CRPPA: variants seen among roughly 807,000 people sequenced by gnomAD.
CRPPA encodes the protein CDP-L-ribitol pyrophosphorylase A, also known as D-ribitol-5-phosphate cytidylyltransferase.
A neutral mutation model predicts 52.0 loss-of-function variants in CRPPA; 43 were observed. That is an observed-to-expected ratio of 0.83 (90% CI 0.65 to 1.07). The LOEUF (loss-of-function observed/expected upper bound fraction) is 1.07, where lower values mean the gene tolerates loss of function less well. CRPPA is among the 50% of genes least tolerant of loss of function. The pLI is 0.00. For synonymous variants in CRPPA, 250 were observed against 203.5 expected (o/e 1.23, Z -1.94); for missense variants, 629 against 551.7 (o/e 1.14, Z -1.40).
intron 8 of CRPPA, chr7:16,216,581 C>T (rs959111294): frequency 9.4e-5 from 18 of 191,966 alleles, no homozygotes; most frequent in East Asian, 1.6e-4. Flanking sequence ...TCAGTGGGTG[C>T]GCGCACCGTG....
intron 9 of CRPPA, among the ~76,000 whole-genome samples, chr7:16,137,946 G>A (rs1782792683): frequency 6.6e-6 from 1 of 152,008 alleles, no homozygotes; most frequent in African/African-American, 2.4e-5. Flanking sequence ...CATTAAACTA[G>A]TAATGCTTCA....
At position 16,151,381 on chromosome 7, in the gene CRPPA, A is replaced by G. The variant is rs1432526998; in HGVS notation, c.1252-59582T>C. 1.3e-5 allele frequency among the ~76,000 whole-genome samples: 2 copies of G among 152,162 alleles called. 1 individual carries two copies. Among genetic ancestry groups the G allele is most frequent in the Admixed American group, 1.3e-4 (2 of 15,272 alleles). Reference sequence around the variant, plus strand: ...TTGACCTCAGGCTCAAAATTGAGATAATTATATAAAGGAAATGTAGGTTGT... The same window carrying G: ...TTGACCTCAGGCTCAAAATTGAGATGATTATATAAAGGAAATGTAGGTTGT... On this transcript the variant is annotated intron_variant, in intron 9 of 9. Coordinates refer to ENST00000407010, the MANE Select transcript of CRPPA (RefSeq NM_001101426.4).
chr7:16,302,253 G>A (rs543728779), intron 4 of CRPPA, among the ~76,000 whole-genome samples: 73 of 121,452 alleles, frequency 6.0e-4, no homozygotes, highest in African/African-American at 2.3e-3. Flanking sequence ...CCGAGATTGC[G>A]CCACTGCACT....
intron 9 of CRPPA, among the ~76,000 whole-genome samples, chr7:16,120,516 T>G: frequency 6.6e-6 from 1 of 152,176 alleles, no homozygotes; most frequent in Middle Eastern, 3.2e-3. Flanking sequence ...GCTTTTAGAA[T>G]CAAATTTATG....
intron 3 of CRPPA, among the ~76,000 whole-genome samples, chr7:16,317,609 A>G (rs1379384239): frequency 6.6e-6 from 1 of 152,140 alleles, no homozygotes; most frequent in African/African-American, 2.4e-5. Flanking sequence ...TGGCTAAGTA[A>G]CATTCCAGTG....
intron 3 of CRPPA, among the ~76,000 whole-genome samples, chr7:16,348,326 G>C (rs559629843): frequency 6.6e-6 from 1 of 152,174 alleles, no homozygotes; most frequent in East Asian, 1.9e-4. Context: ...AGTCTCTCTA[G>C]ACTACAGAAA....
At chr7:16,254,792 GGAAAGAAAGAAA>G (rs56908194) in intron 8 of CRPPA, among the ~76,000 whole-genome samples, 3,163 of 101,692 alleles carry the variant, frequency 0.031, 44 homozygotes, top group Middle Eastern at 0.047. Context: ...AAAGAAAGAA[GGAAAGAAAGAAA>G]GAAAGAAAGA....
intron 9 of CRPPA, among the ~76,000 whole-genome samples, chr7:16,210,324 G>T (rs896306879): frequency 6.6e-6 from 1 of 152,144 alleles, no homozygotes; most frequent in East Asian, 1.9e-4. Flanking sequence ...ATTTGATATG[G>T]TTCCCAATGA....
chr7:16,131,194 G>C (rs1055841467), intron 9 of CRPPA, among the ~76,000 whole-genome samples: 4 of 152,208 alleles, frequency 2.6e-5, no homozygotes, highest in African/African-American at 9.6e-5. Context: ...AAGAGACTTT[G>C]AAACTGGATA....
At chr7:16,195,978 T>C (rs373630626) in intron 9 of CRPPA, among the ~76,000 whole-genome samples, 3 of 152,200 alleles carry the variant, frequency 2.0e-5, no homozygotes, top group East Asian at 3.9e-4. Flanking sequence ...CATAAAATAA[T>C]CTGGAGATTA....
intron 2 of CRPPA, among the ~76,000 whole-genome samples, chr7:16,392,368 G>C (rs1787467724): frequency 6.6e-6 from 1 of 152,134 alleles, no homozygotes; most frequent in South Asian, 2.1e-4. Flanking sequence ...CATCTCAGTA[G>C]AGCGCATGGG....
chr7:16,378,315 G>A (rs1262362988), intron 2 of CRPPA, among the ~76,000 whole-genome samples: 2 of 127,688 alleles, frequency 1.6e-5, no homozygotes, highest in Non-Finnish European at 3.1e-5. Flanking sequence ...CTGTGTCCAT[G>A]TGTTCCCATT....
At chr7:16,175,767 C>CA (rs1026726287) in intron 9 of CRPPA, among the ~76,000 whole-genome samples, 37 of 152,060 alleles carry the variant, frequency 2.4e-4, no homozygotes, top group African/African-American at 8.7e-4. Flanking sequence ...TTTAATTTTA[C>CA]AAATGAAGCA....
intron 9 of CRPPA, among the ~76,000 whole-genome samples, chr7:16,207,600 C>G (rs989500371): frequency 3.3e-5 from 5 of 152,210 alleles, no homozygotes; most frequent in Admixed American, 6.5e-5. Flanking sequence ...CTGCTGCAAG[C>G]AGGATACACA....
intron 8 of CRPPA, among the ~76,000 whole-genome samples, chr7:16,254,555 AG>A (rs1458602099): frequency 6.6e-6 from 1 of 151,298 alleles, no homozygotes; most frequent in Non-Finnish European, 1.5e-5. Context: ...ACTTGGACAC[AG>A]GGTGGGGAAC....
chr7:16,181,015 CTGTAATTTTAGGTACAA>C (rs1479902977), intron 9 of CRPPA, among the ~76,000 whole-genome samples: 1 of 151,842 alleles, frequency 6.6e-6, no homozygotes, highest in African/African-American at 2.4e-5. Flanking sequence ...AAAAGCTACA[CTGTAATTTTAGGTACAA>C]TGTTTGTAAA....
At chr7:16,147,234 T>C (rs1029834905) in intron 9 of CRPPA, among the ~76,000 whole-genome samples, 3 of 152,180 alleles carry the variant, frequency 2.0e-5, no homozygotes, top group Non-Finnish European at 2.9e-5. Flanking sequence ...GTCTTGGGTA[T>C]ATCTTTATTA....
chr7:16,251,899 G>C (rs1464457618), intron 8 of CRPPA, among the ~76,000 whole-genome samples: 3 of 152,116 alleles, frequency 2.0e-5, no homozygotes, highest in Admixed American at 6.5e-5. Context: ...GAAGGAGATA[G>C]AGACACAGAA....
intron 3 of CRPPA, among the ~76,000 whole-genome samples, chr7:16,316,474 T>G (rs1785147334): frequency 6.6e-6 from 1 of 152,246 alleles, no homozygotes; most frequent in East Asian, 1.9e-4. Context: ...TGAGTTATGG[T>G]TTTGTTCCTG....
Sources: gnomAD v4.1 joint callset for allele counts (sites outside exome capture counted in the v4.1 genomes callset) on GRCh38, gnomAD v4.1.1 for gene constraint, MANE v1.5 for transcripts, NCBI Gene and HGNC (gene_info 2026-07-23, HGNC 2026-07-21) for gene names.